Variants in ZNF442 observed in about 807,000 individuals in gnomAD.
The protein encoded by ZNF442 is zinc finger protein 442.
ZNF442 carries 45 observed loss-of-function variants against 57.0 expected under a neutral mutation model. The observed-to-expected ratio is 0.79, with a 90% CI of 0.62 to 1.01. ZNF442 has a LOEUF of 1.01. Among genes scored for constraint, ZNF442 ranks in the 50% least tolerant of loss-of-function variants. ZNF442 has a pLI of 0.00. For missense variants in ZNF442, 690 were observed against 756.5 expected (o/e 0.91, Z 1.03); for synonymous variants, 213 against 241.8 (o/e 0.88, Z 1.10).
chr19:12,351,993 T>C lies in ZNF442; in HGVS notation c.266+17A>G, dbSNP rs1212865567. 3.1e-6 allele frequency: 5 copies of C among 1,611,314 alleles called. No individual in the cohort carries two copies. The African/African-American group carries it at 4.0e-5, about 13-fold the overall frequency. On this transcript the variant is annotated intron_variant, in intron 5 of 5. Transcript: ENST00000242804. ...TGCTCCACAGATATATGTCTTTCTC[T>C]TGTGAGTGCAAATTACCTTAGGCTC...
chr19:12,357,349 CTTTTTTTTTTT>C (rs5827145), intron 3 of ZNF442, among the ~76,000 whole-genome samples: 3 of 95,368 alleles, frequency 3.1e-5, no homozygotes, highest in Non-Finnish European at 5.9e-5. Context: ...CTTTTTCTTT[CTTTTTTTTTTT>C]TTTTTTTTTT....
Position 12,353,068 on chromosome 19 carries a change from T to A in ZNF442, c.125A>T (p.Glu42Val). The A allele has an allele frequency of 6.2e-7, 1 of 1,613,582 alleles. No individual in the cohort carries two copies. The highest frequency in any genetic ancestry group is 8.5e-7 in the Non-Finnish European group (1 of 1,179,818). The change falls in exon 4 of 6, where the codon GAG becomes GTG. Residue 42 changes from glutamate (E) to valine (V), a missense_variant. Transcript: ENST00000242804. ...EDVAVNFTQE[E>V]WALLGPSQKS... Reference sequence around the variant, plus strand: ...CTGTGATGGACCCAGCAAAGCCCACTCTTCCTGGGTGAAGTTCACCGCCAC... The same window carrying A: ...CTGTGATGGACCCAGCAAAGCCCACACTTCCTGGGTGAAGTTCACCGCCAC...
chr19:12,369,431 C>T (rs1455266093), upstream of ZNF442, among the ~76,000 whole-genome samples: 1 of 151,524 alleles, frequency 6.6e-6, no homozygotes, highest in African/African-American at 2.4e-5. Context: ...CCAGCCTGAC[C>T]GACATGGAGA....
intron 3 of ZNF442, among the ~76,000 whole-genome samples, chr19:12,361,457 T>C (rs1022905426): frequency 3.9e-5 from 6 of 152,210 alleles, no homozygotes; most frequent in African/African-American, 1.4e-4. Flanking sequence ...GGTAAATCTT[T>C]ATAATTCAAT....
At chr19:12,354,619 G>A (rs1198514111) in intron 3 of ZNF442, among the ~76,000 whole-genome samples, 5 of 150,676 alleles carry the variant, frequency 3.3e-5, no homozygotes, top group African/African-American at 9.8e-5. Flanking sequence ...TGCCTAGGCT[G>A]GAGTGCCCTG....
intron 3 of ZNF442, among the ~76,000 whole-genome samples, chr19:12,356,570 T>C (rs1036650249): frequency 2.7e-5 from 4 of 150,626 alleles, no homozygotes; most frequent in Non-Finnish European, 5.9e-5. Flanking sequence ...GAGGTTGCAG[T>C]GAGCTGAGAT....
At chr19:12,363,474 G>A in intron 3 of ZNF442, 80 bp downstream of exon 3, 1 of 1,381,690 alleles carries the variant, frequency 7.2e-7, no homozygotes, top group South Asian at 1.2e-5. Flanking sequence ...ACTTCACTGT[G>A]TGCTTTTCAG....
chr19:12,359,764 G>A (rs763881410), intron 3 of ZNF442, among the ~76,000 whole-genome samples: 10 of 152,088 alleles, frequency 6.6e-5, no homozygotes, highest in South Asian at 4.2e-4. Flanking sequence ...CAGATCATGA[G>A]GTCAGGATAT....
the ZNF442 span, among the ~76,000 whole-genome samples, chr19:12,372,332 G>T: frequency 1.3e-5 from 2 of 151,918 alleles, no homozygotes; most frequent in African/African-American, 4.8e-5. Flanking sequence ...GGTGGCGGGC[G>T]CCTGTAATCC....
Position 12,347,714 on chromosome 19 carries a change from C to T in ZNF442, c.*1987G>A, listed in dbSNP as rs1050740048. ...TAACAGAATTTTGTTTCAAAGCACA[C>T]TTCTCCACTGGGCCCTTTAAAAAAG... is the stretch of plus-strand genomic sequence containing the variant. On this transcript the variant is annotated 3_prime_UTR_variant, in exon 6 of 6. Transcript: ENST00000242804. 1 of 152,262 alleles carries T rather than the reference C, an allele frequency of 6.6e-6. No homozygotes were observed. Among genetic ancestry groups the T allele is most frequent in the Non-Finnish European group, 1.5e-5 (1 of 68,088 alleles). 9.4% of individuals were successfully genotyped at this position (152,262 alleles called of 1,614,324 possible).
At chr19:12,361,571 C>T (rs1969425837) in intron 3 of ZNF442, among the ~76,000 whole-genome samples, 1 of 152,106 alleles carries the variant, frequency 6.6e-6, no homozygotes, top group Non-Finnish European at 1.5e-5. Context: ...ACTGTTAAGC[C>T]CTGAAATTCC....
the ZNF442 span, among the ~76,000 whole-genome samples, chr19:12,373,062 G>A: frequency 8.7e-3 from 1,326 of 152,044 alleles, 7 homozygotes; most frequent in Middle Eastern, 0.014. Context: ...GTCAGCCACC[G>A]CACCCAGCCG....
upstream of ZNF442, among the ~76,000 whole-genome samples, chr19:12,366,917 G>A (rs1202378555): frequency 6.6e-6 from 1 of 152,206 alleles, no homozygotes; most frequent in Non-Finnish European, 1.5e-5. Flanking sequence ...TTACAGGCGT[G>A]AGCCACCACG....
chr19:12,370,418 G>A (rs1392150110), upstream of ZNF442, among the ~76,000 whole-genome samples: 2 of 152,044 alleles, frequency 1.3e-5, no homozygotes, highest in Middle Eastern at 3.4e-3. Flanking sequence ...TTGCTTACTC[G>A]CCCGCTGCTC....
intron 4 of ZNF442, among the ~76,000 whole-genome samples, 182 bp from the exon 5 acceptor site, chr19:12,352,252 C>G (rs1487711597): frequency 6.6e-6 from 1 of 152,150 alleles, no homozygotes; most frequent in Admixed American, 6.5e-5. Context: ...GAGTCTCGCT[C>G]TGTTGCCCAG....
In ZNF442 at chr19:12,352,955, ATTGACTAAGTGAAGACATAATG is replaced by A; in HGVS notation, c.205+11_205+32del. The stretch of plus-strand genomic sequence containing the variant: ...GATGACCAAGAAAAAAATGTCTCTA[ATTGACTAAGTGAAGACATAATG>A]TCATTTTTACCTATACAGTCCAGGT... On this transcript the variant is annotated intron_variant, in intron 4 of 5. Coordinates refer to ENST00000242804, the MANE Select transcript of ZNF442 (RefSeq NM_030824.3). 6.3e-7 allele frequency: 1 copy of A among 1,586,450 alleles called. No homozygotes were observed.
rs1283339478 is a variant in ZNF442, at chr19:12,346,473, C to A, written c.*3228G>T. The stretch of plus-strand genomic sequence containing the variant: ...TGTGACAATGTGGAAAATAGAAACC[C>A]TTATGCATTGCTGGAGAGAATGTAA... On this transcript the variant is annotated 3_prime_UTR_variant, in exon 6 of 6. Transcript: ENST00000242804. 6.6e-6 allele frequency: 1 copy of A among 152,118 alleles called. No homozygotes were observed. Among genetic ancestry groups the A allele is most frequent in the East Asian group, 1.9e-4 (1 of 5,200 alleles). 9.4% of individuals were successfully genotyped at this position (152,118 alleles called of 1,614,324 possible).
Position 12,349,675 on chromosome 19 carries a change from T to C in ZNF442, c.*26A>G. ...TTTCTTTCACGTTTCTGAAATGAAA[T>C]AAAATTAATGAATGCTTTTCCACAT... On this transcript the variant is annotated 3_prime_UTR_variant, in exon 6 of 6. Coordinates refer to ENST00000242804, the MANE Select transcript of ZNF442 (RefSeq NM_030824.3). 1.9e-6 allele frequency: 3 copies of C among 1,559,202 alleles called. No individual in the cohort carries two copies. The highest frequency in any genetic ancestry group is 1.7e-6 in the Non-Finnish European group (2 of 1,155,640).
chr19:12,363,438 G>GACC, intron 3 of ZNF442, 116 bp downstream of exon 3: 1 of 966,962 alleles, frequency 1.0e-6, no homozygotes, highest in Non-Finnish European at 1.6e-6. Flanking sequence ...AGTGCTCAGT[G>GACC]ACCACCCACC....
Sources: gnomAD v4.1 joint callset for allele counts (sites outside exome capture counted in the v4.1 genomes callset) on GRCh38, gnomAD v4.1.1 for gene constraint, MANE v1.5 for transcripts, NCBI Gene and HGNC (gene_info 2026-07-23, HGNC 2026-07-21) for gene names.